KIFC3: variants seen among roughly 807,000 people sequenced by gnomAD.
The protein encoded by KIFC3 is kinesin family member C3, also known as kinesin-like protein KIFC3.
Under a neutral mutation model 101.8 loss-of-function variants are expected in KIFC3, and 60 were observed. That is an observed-to-expected ratio of 0.59 (90% CI 0.48 to 0.73). KIFC3 has a LOEUF of 0.73. Ranked by LOEUF, KIFC3 falls within the 30% of genes least tolerant of loss-of-function variation. The pLI, the probability that KIFC3 is intolerant of heterozygous loss-of-function variation, is 0.00. For synonymous variants in KIFC3, 476 were observed against 482.7 expected, an observed-to-expected ratio of 0.99 and a Z score of 0.18; for missense variants, 966 against 1,137.1, an observed-to-expected ratio of 0.85 and a Z score of 2.16.
Position 57,857,382 on chromosome 16 carries a change from C to T in KIFC3, c.108+5347G>A, listed in dbSNP as rs1179423017. Among the ~76,000 whole-genome samples the T allele has an allele frequency of 2.3e-5, 3 of 131,376 alleles. No homozygotes were observed. The Admixed American group carries it at 2.6e-4, about 11-fold the overall frequency. 86.2% of individuals were successfully genotyped at this position (131,376 alleles called of 152,430 possible). On this transcript the variant is annotated intron_variant, in intron 1 of 2. Transcript: ENST00000563028. ...TGACTTTCGTAAGTCTCCCAGAACC[C>T]CCTAAAACCTTTCTTTTTTTTTTTT...
chr16:57,861,907 C>T (rs1459787576), intron 1 of KIFC3, among the ~76,000 whole-genome samples: 1 of 152,104 alleles, frequency 6.6e-6, no homozygotes, highest in Non-Finnish European at 1.5e-5. Flanking sequence ...CAAGATTGTG[C>T]CACTGCACTC....
upstream of KIFC3, among the ~76,000 whole-genome samples, chr16:57,806,596 C>G (rs1024455878): frequency 2.0e-5 from 3 of 152,146 alleles, no homozygotes; most frequent in Non-Finnish European, 2.9e-5. Context: ...TCCATAGATC[C>G]CATAGAATTC....
At chr16:57,761,218 C>T (rs781894634) in intron 14 of KIFC3, 47 bp from the exon 15 acceptor site, 2 of 1,606,062 alleles carry the variant, frequency 1.2e-6, no homozygotes, top group Non-Finnish European at 1.7e-6. Flanking sequence ...AGAATGGGGT[C>T]CTCAGAGTCA....
intron 3 of KIFC3, chr16:57,774,859 C>G (rs1388387233): frequency 7.3e-7 from 1 of 1,361,998 alleles, no homozygotes; most frequent in Non-Finnish European, 9.5e-7. Context: ...ATACGTAATT[C>G]CTACTCTCCC....
chr16:57,787,155 T>C (rs1555618164), intron 3 of KIFC3, among the ~76,000 whole-genome samples: 3 of 152,258 alleles, frequency 2.0e-5, no homozygotes, highest in Non-Finnish European at 4.4e-5. Flanking sequence ...GTGACCAGCG[T>C]GGCCCTCAGC....
In KIFC3 at chr16:57,771,664, T is replaced by A; in HGVS notation, c.404A>T (p.His135Leu). 1.2e-6 allele frequency: 2 copies of A among 1,612,578 alleles called. No individual in the cohort carries two copies. Among genetic ancestry groups the A allele is most frequent in the Non-Finnish European group, 1.7e-6 (2 of 1,179,730 alleles). The change falls in exon 5 of 20, where the codon CAC (histidine) becomes CTC (leucine). Residue 135 changes from histidine to leucine, a missense_variant. Coordinates refer to ENST00000445690, the MANE Select transcript of KIFC3 (RefSeq NM_001130100.2). ...SELGGTDLEK[H>L]RDLLMVENER... is the part of the protein sequence containing the mutation. Reference sequence around the variant, plus strand: ...ATTCTCCACCATCAGCAGGTCCCGGTGCTTCTCCAAGTCGGTGCCCCCCTG... The same window carrying A: ...ATTCTCCACCATCAGCAGGTCCCGGAGCTTCTCCAAGTCGGTGCCCCCCTG...
At chr16:57,771,747 A>G in intron 4 of KIFC3, 61 bp from the exon 5 acceptor site, 3 of 1,557,784 alleles carry the variant, frequency 1.9e-6, no homozygotes, top group Non-Finnish European at 2.6e-6. Context: ...GGGAAAGAAG[A>G]GAGGCCCGCG....
chr16:57,796,159 C>T (rs900109559), intron 2 of KIFC3, among the ~76,000 whole-genome samples: 8 of 152,168 alleles, frequency 5.3e-5, no homozygotes, highest in Admixed American at 1.3e-4. Flanking sequence ...TCCCAAAGTG[C>T]TAGGATTACA....
At chr16:57,810,777 C>T (rs1555627711) in intron 1 of KIFC3, 1 of 720,926 alleles carries the variant, frequency 1.4e-6, no homozygotes, top group East Asian at 1.3e-4. Context: ...CCCGCAACAA[C>T]ATGTGTGGTA....
intron 16 of KIFC3, 22 bp downstream of exon 16, chr16:57,760,704 C>G: frequency 6.2e-7 from 1 of 1,600,330 alleles, no homozygotes; most frequent in Non-Finnish European, 8.6e-7. Flanking sequence ...GGGACTGGCC[C>G]GCCCTAACCC....
rs2054332519 is a variant in KIFC3 at position 57,796,515 on chromosome 16, G to A, written c.173-1374C>T. 2.0e-5 allele frequency among the ~76,000 whole-genome samples: 3 copies of A among 152,344 alleles called. No homozygotes were observed. The South Asian group carries it at 6.2e-4, about 32-fold the overall frequency. On this transcript the variant is annotated intron_variant, in intron 2 of 19. Coordinates refer to ENST00000445690, the MANE Select transcript of KIFC3 (RefSeq NM_001130100.2). ...CCTCTGCCAGCCAATTCTCAGGGTG[G>A]CAATATGGGGGTTGGTCGGGGGACT...
chr16:57,858,563 G>A (rs372564594), intron 1 of KIFC3, among the ~76,000 whole-genome samples: 1 of 152,096 alleles, frequency 6.6e-6, no homozygotes, highest in Non-Finnish European at 1.5e-5. Flanking sequence ...TGCTCCAGGT[G>A]TATAATTGCA....
At chr16:57,774,443 C>CAAT (rs782305295) in intron 3 of KIFC3, among the ~76,000 whole-genome samples, 5 of 152,066 alleles carry the variant, frequency 3.3e-5, no homozygotes, top group Non-Finnish European at 7.4e-5. Flanking sequence ...ATCTGAAAAA[C>CAAT]CATTAAGTGT....
Position 57,758,645 on chromosome 16 carries a change from G to GCC in KIFC3, c.*288_*289insGG. 4 of 701,482 alleles carry GCC rather than the reference G, an allele frequency of 5.7e-6. No individual in the cohort carries two copies. The highest frequency in any genetic ancestry group is 1.0e-5 in the Non-Finnish European group (4 of 385,266). The allele number at this position is 701,482 out of a possible 1,614,324, so 43.5% of individuals were successfully genotyped here. The stretch of plus-strand genomic sequence containing the variant: ...ACTCCCGCCCTCCTCACGGGGCCCA[G>GCC]TTCGCTGATGGCCCAGGCCTGCCAG... On this transcript the variant is annotated 3_prime_UTR_variant, in exon 20 of 20. Transcript: ENST00000445690.
chr16:57,817,138 A>T (rs1252934933), intron 1 of KIFC3, among the ~76,000 whole-genome samples: 1 of 152,058 alleles, frequency 6.6e-6, no homozygotes, highest in Non-Finnish European at 1.5e-5. Context: ...GCGGGCAGAT[A>T]ACCTGAGGTC....
intron 19 of KIFC3, 62 bp from the exon 20 acceptor site, chr16:57,758,971 GCCA>G: frequency 6.5e-7 from 1 of 1,537,492 alleles, no homozygotes; most frequent in Non-Finnish European, 8.7e-7. Flanking sequence ...CACAGCAGTT[GCCA>G]CCGAGAGCAG....
rs535148847 is a variant in KIFC3 at position 57,758,411 on chromosome 16, G to T, written c.*523C>A. ...ACGGCCCCGTGGCGGGAGGCCATGCGCCTCCGCACACCCCCCAGCTGCGGG... is the reference window on the plus strand; with the variant it reads ...ACGGCCCCGTGGCGGGAGGCCATGCTCCTCCGCACACCCCCCAGCTGCGGG... On this transcript the variant is annotated 3_prime_UTR_variant, in exon 20 of 20. Transcript: ENST00000445690. 8.3e-4 allele frequency: 295 copies of T among 356,468 alleles called. 4 individuals carry two copies. Among genetic ancestry groups the T allele is most frequent in the South Asian group, 6.1e-3 (287 of 46,920 alleles). The allele number at this position is 356,468 out of a possible 1,614,324, so 22.1% of individuals were successfully genotyped here. A position where few individuals can be genotyped will look rare whatever the true frequency, so the allele number is the denominator to read the frequency against.
At chr16:57,817,716 G>C (rs139801425) in intron 1 of KIFC3, among the ~76,000 whole-genome samples, 5 of 152,170 alleles carry the variant, frequency 3.3e-5, no homozygotes, top group Non-Finnish European at 7.4e-5. Flanking sequence ...GCCCAAAAAG[G>C]TTCCAAATAA....
chr16:57,778,456 TA>T (rs1165963581), intron 3 of KIFC3, among the ~76,000 whole-genome samples: 2 of 152,036 alleles, frequency 1.3e-5, no homozygotes, highest in Non-Finnish European at 2.9e-5. Context: ...TTATCAAAAT[TA>T]AAAACTTTTG....
Sources: allele counts gnomAD v4.1 joint callset (sites outside exome capture counted in the v4.1 genomes callset), GRCh38; gene constraint gnomAD v4.1.1; transcripts MANE v1.5; gene names NCBI Gene and HGNC (gene_info 2026-07-23, HGNC 2026-07-21).